Variants in PDE4A observed in about 807,000 individuals in gnomAD.
The protein encoded by PDE4A is 3',5'-cyclic-AMP phosphodiesterase 4A.
A neutral mutation model predicts 73.9 loss-of-function variants in PDE4A; 21 were observed. The observed-to-expected ratio is 0.28, with a 90% CI of 0.20 to 0.41. The LOEUF (loss-of-function observed/expected upper bound fraction) is 0.41. PDE4A is among the 10% of genes least tolerant of loss of function. PDE4A has a pLI of 1.00. For synonymous variants in PDE4A, 463 were observed against 505.4 expected (o/e 0.92, Z 1.13); for missense variants, 958 against 1,211.4 (o/e 0.79, Z 3.10).
chr19:10,434,156 C>T (rs1372509460), intron 1 of PDE4A, among the ~76,000 whole-genome samples: 1 of 145,166 alleles, frequency 6.9e-6, no homozygotes, highest in Non-Finnish European at 1.5e-5. Flanking sequence ...TTTCTTTCTT[C>T]CTTCCTTCCT....
At chr19:10,417,183 G>A (rs1372796163), upstream of PDE4A, 2 of 983,464 alleles carry the variant, frequency 2.0e-6, no homozygotes, top group African/African-American at 3.5e-5. Context: ...CTCTCAGCCG[G>A]CCCAGGGACA....
At position 10,459,425 on chromosome 19, in the gene PDE4A, G is replaced by T. The variant is rs748527705; in HGVS notation, c.1127G>T (p.Gly376Val). ...GAACTGGAGAACCTGAACAAGTGGG[G>T]CCTGAACATCTTTTGCGTGTCGGAT... is the stretch of plus-strand genomic sequence containing the variant. ...AQELENLNKW[G>V]LNIFCVSDYA... The change falls in exon 9 of 15, where the codon GGC (glycine) becomes GTC (valine). Residue 376 changes from glycine (G) to valine (V), a missense_variant. Coordinates refer to ENST00000380702, the MANE Select transcript of PDE4A (RefSeq NM_001111307.2). 1 of 1,614,214 alleles carries T rather than the reference G, an allele frequency of 6.2e-7. No individual in the cohort carries two copies. The highest frequency in any genetic ancestry group is 8.5e-7 in the Non-Finnish European group (1 of 1,180,042).
At chr19:10,422,996 C>T in intron 1 of PDE4A, 1 of 467,826 alleles carries the variant, frequency 2.1e-6, no homozygotes, top group Non-Finnish European at 2.8e-6. Flanking sequence ...TGGTAATAAT[C>T]ATCATTATTT....
At chr19:10,436,329 GTGGATCACC>G (rs1197663526) in intron 1 of PDE4A, among the ~76,000 whole-genome samples, 1 of 152,168 alleles carries the variant, frequency 6.6e-6, no homozygotes, top group Admixed American at 6.5e-5. Context: ...GCCGAGGCAG[GTGGATCACC>G]TGAGATCGGG....
intron 1 of PDE4A, among the ~76,000 whole-genome samples, chr19:10,430,008 C>T (rs1432728054): frequency 1.3e-5 from 2 of 151,686 alleles, no homozygotes; most frequent in African/African-American, 2.4e-5. Flanking sequence ...AACCTATATT[C>T]GGTCTATGAA....
chr19:10,420,824 G>A lies in PDE4A; in HGVS notation c.60G>A (p.Arg20=), dbSNP rs78392044. Residue 20 remains arginine, a synonymous_variant, in exon 1 of 15, where the codon CGG becomes CGA. Transcript: ENST00000380702. This position sits in a 1 kb window ranked among gnomAD's most constrained non-coding sequence, Gnocchi z 6.0. ...RSLSLSLPGP[R]EGQATLKPPP... Reference sequence around the variant, plus strand: ...TGTCTCTGTCACTGCCCGGGCCCCGGGAGGGCCAGGCCACCCTGAAGCCTC... The same window carrying A: ...TGTCTCTGTCACTGCCCGGGCCCCGAGAGGGCCAGGCCACCCTGAAGCCTC... 4 of 1,587,736 alleles carry A rather than the reference G, an allele frequency of 2.5e-6. No homozygotes were observed. The highest frequency in any genetic ancestry group is 3.4e-6 in the Non-Finnish European group (4 of 1,175,096).
chr19:10,420,308 G>C (rs571069170), upstream of PDE4A: 1 of 846,002 alleles, frequency 1.2e-6, no homozygotes, highest in Admixed American at 6.2e-5. The surrounding 1 kb of genome is among the most constrained non-coding windows in gnomAD (Gnocchi z 6.0). Flanking sequence ...GCCAAGCAGG[G>C]TGCTTTGAAG....
At chr19:10,464,443 G>T (rs1427445028) in intron 14 of PDE4A, 3 of 455,096 alleles carry the variant, frequency 6.6e-6, no homozygotes, top group Non-Finnish European at 8.8e-6. Context: ...TTGAGACCGG[G>T]TCTTGCACTG....
chr19:10,447,408 G>A (rs1254418703), intron 2 of PDE4A, among the ~76,000 whole-genome samples: 3 of 147,684 alleles, frequency 2.0e-5, no homozygotes, highest in Non-Finnish European at 3.0e-5. Flanking sequence ...TCTATTTTTA[G>A]TAGAGACGGG....
intron 1 of PDE4A, chr19:10,423,075 C>T: frequency 6.1e-6 from 6 of 983,722 alleles, no homozygotes; most frequent in Non-Finnish European, 6.0e-6. Context: ...TATGCATCCT[C>T]ATCCCCAGTG....
chr19:10,418,807 A>T (rs2042611468), upstream of PDE4A: 1 of 985,170 alleles, frequency 1.0e-6, no homozygotes, highest in Non-Finnish European at 1.2e-6. Flanking sequence ...TACCCCGCCA[A>T]GAATTTGGCC....
chr19:10,423,049 G>C (rs1393309306), intron 1 of PDE4A: 1 of 963,188 alleles, frequency 1.0e-6, no homozygotes, highest in African/African-American at 1.8e-5. Context: ...CCGGCTCCAT[G>C]CCAGGGACTT....
intron 8 of PDE4A, 32 bp from the exon 9 acceptor site, chr19:10,459,368 G>A (rs367805018): frequency 6.2e-7 from 1 of 1,614,018 alleles, no homozygotes; most frequent in African/African-American, 1.3e-5. Flanking sequence ...GAGCCTTACA[G>A]GCTTCTGACC....
intron 3 of PDE4A, 53 bp downstream of exon 3, chr19:10,449,006 AC>A: frequency 1.9e-6 from 3 of 1,611,458 alleles, no homozygotes; most frequent in Non-Finnish European, 2.5e-6. Flanking sequence ...ATGCTCCGCC[AC>A]ACTTGGGGAC....
rs1240447178 is a variant in PDE4A, at chr19:10,458,215, G to A, written c.1101+113G>A. On this transcript the variant is annotated intron_variant, in intron 8 of 14. Coordinates refer to ENST00000380702, the MANE Select transcript of PDE4A (RefSeq NM_001111307.2). The surrounding 1 kb of genome is among the most constrained non-coding windows in gnomAD (Gnocchi z 4.6). The stretch of plus-strand genomic sequence containing the variant: ...CAGGTTTCCCAGAAGCAGAGCTTGA[G>A]ATGAGGGTTTGAGCCCATCTTGAGG... 3.0e-6 allele frequency: 3 copies of A among 1,008,930 alleles called. No homozygotes were observed. The highest frequency in any genetic ancestry group is 4.4e-6 in the Non-Finnish European group (3 of 677,942). The allele number at this position is 1,008,930 out of a possible 1,614,324, so 62.5% of individuals were successfully genotyped here.
At chr19:10,448,406 G>T (rs977040544) in intron 2 of PDE4A, among the ~76,000 whole-genome samples, 1 of 152,024 alleles carries the variant, frequency 6.6e-6, no homozygotes, top group African/African-American at 2.4e-5. Flanking sequence ...AGAGGCCAAA[G>T]TGGGTAGATT....
upstream of PDE4A, chr19:10,420,397 T>A: frequency 1.0e-6 from 1 of 966,742 alleles, no homozygotes; most frequent in Non-Finnish European, 1.2e-6. This position sits in a 1 kb window ranked among gnomAD's most constrained non-coding sequence, Gnocchi z 6.0. Context: ...CTTAGGTAGC[T>A]GCCCCCCGCT....
At chr19:10,443,864 AG>A (rs2042969543) in intron 1 of PDE4A, among the ~76,000 whole-genome samples, 1 of 149,674 alleles carries the variant, frequency 6.7e-6, no homozygotes, top group Non-Finnish European at 1.5e-5. Context: ...AAAATTAGCC[AG>A]GTGTGGTGGC....
Position 10,461,117 on chromosome 19 carries a change from G to A in PDE4A, c.1465+14G>A, listed in dbSNP as rs144860215. ...TCATCAACACCAGTGAGTGGCCCTC[G>A]CCAGGGGCGGGGTTTGCTGAGTTGG... On this transcript the variant is annotated intron_variant, in intron 11 of 14. Transcript: ENST00000380702. 1.9e-3 allele frequency: 3,089 copies of A among 1,604,952 alleles called. 44 individuals are homozygous for A. The East Asian group carries it at 0.03, about 16-fold the overall frequency.
Sources: gnomAD v4.1 joint callset for allele counts (sites outside exome capture counted in the v4.1 genomes callset) on GRCh38, gnomAD v4.1.1 for gene constraint, Gnocchi (gnomAD v3.1) non-coding constraint, MANE v1.5 for transcripts, NCBI Gene and HGNC (gene_info 2026-07-23, HGNC 2026-07-21) for gene names.